PLXNA4: variants seen among roughly 807,000 people sequenced by gnomAD.
PLXNA4 encodes the protein plexin A4.
PLXNA4 carries 44 observed loss-of-function variants against 191.8 expected under a neutral mutation model. That is an observed-to-expected ratio of 0.23 (90% confidence interval 0.18 to 0.29). PLXNA4 has a LOEUF of 0.29. Ranked by LOEUF, PLXNA4 falls within the 10% of genes least tolerant of loss-of-function variation. The pLI is 1.00. For missense variants in PLXNA4, 1,800 were observed against 2,488.8 expected, an observed-to-expected ratio of 0.72 and a Z score of 5.89; for synonymous variants, 1,082 against 1,009.5, an observed-to-expected ratio of 1.07 and a Z score of -1.36.
At chr7:132,265,365 G>GACCAA (rs1799810178) in intron 4 of PLXNA4, among the ~76,000 whole-genome samples, 3 of 152,204 alleles carry the variant, frequency 2.0e-5, no homozygotes, top group Non-Finnish European at 4.4e-5. Context: ...GCTAAGTACT[G>GACCAA]TGCTATATTG....
At chr7:132,580,948 G>A (rs972098990), upstream of PLXNA4, among the ~76,000 whole-genome samples, 1 of 152,174 alleles carries the variant, frequency 6.6e-6, no homozygotes, top group Non-Finnish European at 1.5e-5. Context: ...GCTCAGCAGA[G>A]GAGGCAAGAG....
At chr7:132,525,211 C>T (rs1172004878) in intron 1 of PLXNA4, among the ~76,000 whole-genome samples, 3 of 152,154 alleles carry the variant, frequency 2.0e-5, no homozygotes, top group Non-Finnish European at 4.4e-5. Flanking sequence ...TTAATGTCCT[C>T]AAGGTTCATT....
chr7:132,237,179 A>G (rs1798729769), intron 5 of PLXNA4, among the ~76,000 whole-genome samples: 1 of 152,220 alleles, frequency 6.6e-6, no homozygotes, highest in Non-Finnish European at 1.5e-5. Context: ...TATTAAAAAT[A>G]TCTTAGAAAT....
chr7:132,555,670 G>T (rs565674164), intron 1 of PLXNA4, among the ~76,000 whole-genome samples: 2 of 152,258 alleles, frequency 1.3e-5, no homozygotes, highest in South Asian at 4.2e-4. Context: ...ACATGCTGAC[G>T]CCACACAGCT....
At chr7:132,619,276 T>C (rs1225684901) in intron 2 of PLXNA4, among the ~76,000 whole-genome samples, 1 of 152,220 alleles carries the variant, frequency 6.6e-6, no homozygotes, top group African/African-American at 2.4e-5. Flanking sequence ...ATATTTTAAA[T>C]TCCACTTACA....
intron 9 of PLXNA4, among the ~76,000 whole-genome samples, chr7:132,218,981 A>G (rs561214203): frequency 2.0e-5 from 3 of 152,216 alleles, no homozygotes; most frequent in South Asian, 4.1e-4. Context: ...GAAAAAAAAA[A>G]GGTAATTCAA....
intron 3 of PLXNA4, among the ~76,000 whole-genome samples, chr7:132,479,134 TG>T (rs1430427609): frequency 6.6e-5 from 10 of 152,170 alleles, no homozygotes; most frequent in South Asian, 4.2e-4. Context: ...TGGAGCATGG[TG>T]ACACATACCT....
intron 2 of PLXNA4, among the ~76,000 whole-genome samples, chr7:132,588,562 TTCCC>T (rs1395442114): frequency 1.3e-5 from 2 of 151,230 alleles, no homozygotes; most frequent in East Asian, 3.9e-4. Context: ...TGATCATAAT[TTCCC>T]TCCCTAATTC....
At chr7:132,496,739 T>G (rs1243209785) in intron 2 of PLXNA4, among the ~76,000 whole-genome samples, 1 of 152,118 alleles carries the variant, frequency 6.6e-6, no homozygotes, top group Non-Finnish European at 1.5e-5. Flanking sequence ...CTGGGGTTGT[T>G]AGAGGGTGGT....
intron 3 of PLXNA4, among the ~76,000 whole-genome samples, chr7:132,340,928 C>T (rs747815780): frequency 6.6e-6 from 1 of 152,192 alleles, no homozygotes; most frequent in Non-Finnish European, 1.5e-5. Context: ...ATCTGCCTGC[C>T]TCAGCCTCCC....
intron 2 of PLXNA4, among the ~76,000 whole-genome samples, chr7:132,611,032 C>T (rs762939066): frequency 2.0e-5 from 3 of 152,194 alleles, no homozygotes; most frequent in Non-Finnish European, 4.4e-5. Flanking sequence ...ATCACACAGT[C>T]ACCCCCTTTC....
At chr7:132,493,834 A>T (rs1294904962) in intron 2 of PLXNA4, among the ~76,000 whole-genome samples, 1 of 152,102 alleles carries the variant, frequency 6.6e-6, no homozygotes, top group Non-Finnish European at 1.5e-5. Context: ...TGAGCTTCAC[A>T]GTGGCTAACA....
chr7:132,289,598 C>T (rs1167375253), intron 4 of PLXNA4, among the ~76,000 whole-genome samples: 1 of 151,998 alleles, frequency 6.6e-6, no homozygotes, highest in Non-Finnish European at 1.5e-5. Flanking sequence ...AGTGGCATGA[C>T]CACGGCTCAT....
At chr7:132,446,385 C>T (rs1043282345) in intron 3 of PLXNA4, among the ~76,000 whole-genome samples, 1 of 152,210 alleles carries the variant, frequency 6.6e-6, no homozygotes, top group Admixed American at 6.5e-5. Context: ...GTGCCATTAA[C>T]TATCTGCCCC....
chr7:132,246,792 CA>C (rs1799070598), intron 4 of PLXNA4, among the ~76,000 whole-genome samples: 5 of 151,524 alleles, frequency 3.3e-5, no homozygotes, highest in Admixed American at 6.6e-5. Flanking sequence ...TCATCATCAT[CA>C]TCATCATCAT....
intron 3 of PLXNA4, among the ~76,000 whole-genome samples, chr7:132,322,869 G>A (rs936370411): frequency 5.9e-5 from 9 of 152,148 alleles, no homozygotes; most frequent in East Asian, 3.9e-4. Flanking sequence ...TCTGGGGTTC[G>A]GCTTCCTGTG....
intron 25 of PLXNA4, among the ~76,000 whole-genome samples, chr7:132,159,065 C>G (rs984981777): frequency 6.6e-6 from 1 of 152,196 alleles, no homozygotes; most frequent in African/African-American, 2.4e-5. Context: ...AAGGGAAGAG[C>G]CTCAGGCAAC....
intron 3 of PLXNA4, among the ~76,000 whole-genome samples, chr7:132,417,431 C>T (rs563572358): frequency 7.9e-5 from 12 of 152,240 alleles, no homozygotes; most frequent in South Asian, 2.1e-4. Context: ...ACTTAAATGA[C>T]GCAATTGTTT....
Position 132,124,867 on chromosome 7 carries a change from G to T in PLXNA4, c.*5612C>A, listed in dbSNP as rs201581611. 1 of 152,140 alleles carries T rather than the reference G, an allele frequency of 6.6e-6. No individual in the cohort carries two copies. The highest frequency in any genetic ancestry group is 1.9e-4 in the East Asian group (1 of 5,200). The allele number at this position is 152,140 out of a possible 1,614,324, so 9.4% of individuals were successfully genotyped here. ...TTTTGTATATGAAGGATTTTGTTTC[G>T]TTTTGTTTAACTTTGCTTTGCTTTC... On this transcript the variant is annotated 3_prime_UTR_variant, in exon 32 of 32. Transcript: ENST00000321063.
Sources: gnomAD v4.1 joint callset for allele counts (sites outside exome capture counted in the v4.1 genomes callset) on GRCh38, gnomAD v4.1.1 for gene constraint, MANE v1.5 for transcripts, NCBI Gene and HGNC (gene_info 2026-07-23, HGNC 2026-07-21) for gene names.